The following FRMD3 variants were observed in gnomAD, a reference collection of about 807,000 sequenced individuals.
The protein encoded by FRMD3 is FERM domain containing 3, also known as FERM domain-containing protein 3.
A neutral mutation model predicts 70.2 loss-of-function variants in FRMD3; 33 were observed. That is an observed-to-expected ratio of 0.47 (90% CI 0.36 to 0.63). FRMD3 has a LOEUF of 0.63. FRMD3 is among the 20% of genes least tolerant of loss of function. The probability of loss-of-function intolerance (pLI) is 0.00; values close to 1 mark genes in which losing one functional copy is unlikely to be tolerated. For synonymous variants in FRMD3, 279 were observed against 255.9 expected (o/e 1.09, Z -0.86); for missense variants, 632 against 711.4 (o/e 0.89, Z 1.27).
chr9:83,345,272 A>G (rs1205533522), intron 4 of FRMD3, among the ~76,000 whole-genome samples: 1 of 139,808 alleles, frequency 7.2e-6, no homozygotes, highest in Non-Finnish European at 1.6e-5. Flanking sequence ...AGTCCCTAAT[A>G]AGTTTCTAAT....
At chr9:83,356,112 C>A (rs1166581779) in intron 3 of FRMD3, among the ~76,000 whole-genome samples, 1 of 152,092 alleles carries the variant, frequency 6.6e-6, no homozygotes, top group Non-Finnish European at 1.5e-5. Context: ...CCACATTGAG[C>A]CATTGCCCAG....
intron 13 of FRMD3, among the ~76,000 whole-genome samples, chr9:83,270,434 C>A (rs1419195207): frequency 6.6e-6 from 1 of 152,186 alleles, no homozygotes; most frequent in Non-Finnish European, 1.5e-5. Context: ...TTGTGAGTGG[C>A]TAGAAGTTAC....
At chr9:83,535,618 ATT>A (rs36112441) in intron 1 of FRMD3, among the ~76,000 whole-genome samples, 54 of 148,636 alleles carry the variant, frequency 3.6e-4, no homozygotes, top group East Asian at 1.2e-3. Flanking sequence ...ACTTTTTGTG[ATT>A]TTTTTTTTTT....
At chr9:83,339,153 C>G (rs753795730) in intron 5 of FRMD3, among the ~76,000 whole-genome samples, 1 of 152,186 alleles carries the variant, frequency 6.6e-6, no homozygotes, top group African/African-American at 2.4e-5. Context: ...ATGCTACACA[C>G]TGCAAATGTT....
At chr9:83,515,247 T>C (rs910602493) in intron 1 of FRMD3, among the ~76,000 whole-genome samples, 2 of 152,148 alleles carry the variant, frequency 1.3e-5, no homozygotes, top group African/African-American at 2.4e-5. Flanking sequence ...AATTGCTAAC[T>C]AGAATAACAA....
At chr9:83,471,578 C>T (rs1828270180) in intron 1 of FRMD3, among the ~76,000 whole-genome samples, 1 of 152,144 alleles carries the variant, frequency 6.6e-6, no homozygotes, top group Non-Finnish European at 1.5e-5. Context: ...TACTGCTCCA[C>T]ACAAAGGAAG....
At chr9:83,515,310 G>C (rs546744738) in intron 1 of FRMD3, among the ~76,000 whole-genome samples, 19 of 152,186 alleles carry the variant, frequency 1.2e-4, no homozygotes, top group African/African-American at 2.9e-4. Flanking sequence ...CAGCACGAAA[G>C]CTTCGTGAAG....
intron 13 of FRMD3, among the ~76,000 whole-genome samples, chr9:83,264,767 T>C (rs1833154847): frequency 6.6e-6 from 1 of 151,198 alleles, no homozygotes; most frequent in Non-Finnish European, 1.5e-5. Flanking sequence ...ATGGAAAATT[T>C]GTTTATGAAA....
At chr9:83,351,032 T>C in intron 3 of FRMD3, 1 of 954,862 alleles carries the variant, frequency 1.0e-6, no homozygotes, top group Non-Finnish European at 1.2e-6. Flanking sequence ...CTACTTGGGA[T>C]CAGTTCTCAG....
the FRMD3 span, among the ~76,000 whole-genome samples, chr9:83,554,146 G>A: frequency 6.6e-6 from 1 of 152,142 alleles, no homozygotes; most frequent in Non-Finnish European, 1.5e-5. Flanking sequence ...TGGTTTTGAA[G>A]CTTTGGGGTG....
intron 1 of FRMD3, among the ~76,000 whole-genome samples, chr9:83,505,519 A>G (rs185631159): frequency 6.6e-6 from 1 of 152,226 alleles, no homozygotes; most frequent in East Asian, 1.9e-4. Flanking sequence ...GAGAGCTGGG[A>G]GGAAGGGGAG....
intron 1 of FRMD3, among the ~76,000 whole-genome samples, chr9:83,514,508 C>G (rs966743290): frequency 2.0e-5 from 3 of 152,136 alleles, no homozygotes; most frequent in Admixed American, 1.3e-4. Context: ...GACAGAGCAC[C>G]CTGGGGAAGG....
chr9:83,244,662 T>C lies in FRMD3; in HGVS notation c.*3256A>G, dbSNP rs1832003214. 1 of 985,024 alleles carries C rather than the reference T, an allele frequency of 1.0e-6. No individual in the cohort carries two copies. Among genetic ancestry groups the C allele is most frequent in the Admixed American group, 6.1e-5 (1 of 16,268 alleles). 61.0% of individuals were successfully genotyped at this position (985,024 alleles called of 1,614,324 possible). The stretch of plus-strand genomic sequence containing the variant: ...TTTTTATTAGGGATTCCTGCCACCA[T>C]ATTAACATATAAAACAATCTGGATG... On this transcript the variant is annotated 3_prime_UTR_variant, in exon 14 of 14. Coordinates refer to ENST00000304195, the MANE Select transcript of FRMD3 (RefSeq NM_174938.6).
chr9:83,382,601 A>C (rs1287181802), intron 2 of FRMD3, among the ~76,000 whole-genome samples: 2 of 152,266 alleles, frequency 1.3e-5, no homozygotes, highest in East Asian at 3.9e-4. Flanking sequence ...AATTTCCTAA[A>C]ATAGCAAAAG....
intron 1 of FRMD3, among the ~76,000 whole-genome samples, chr9:83,424,015 T>A (rs1038922642): frequency 1.1e-4 from 17 of 152,126 alleles, no homozygotes; most frequent in African/African-American, 4.1e-4. Context: ...CAGTCAAGAG[T>A]AAATCTTCTT....
intron 10 of FRMD3, among the ~76,000 whole-genome samples, chr9:83,306,454 C>T (rs1181224843): frequency 2.0e-5 from 3 of 152,168 alleles, no homozygotes; most frequent in Non-Finnish European, 4.4e-5. Context: ...CCACTCATGT[C>T]CCACAAAATG....
In FRMD3 at chr9:83,421,962, C is replaced by T. The variant is rs1224409877; in HGVS notation, c.148-32254G>A. On this transcript the variant is annotated intron_variant, in intron 1 of 13. Coordinates refer to ENST00000304195, the MANE Select transcript of FRMD3 (RefSeq NM_174938.6). Reference sequence around the variant, plus strand: ...GGGGCCAGCCAGGTGCAGTGGCTCACGCCTGTAATCCCAGCACTTTGGGAG... The same window carrying T: ...GGGGCCAGCCAGGTGCAGTGGCTCATGCCTGTAATCCCAGCACTTTGGGAG... 2.6e-5 allele frequency among the ~76,000 whole-genome samples: 4 copies of T among 152,162 alleles called. No homozygotes were observed. In the East Asian group the frequency reaches 7.7e-4, roughly 29 times the overall value.
chr9:83,508,141 G>A (rs181862084), intron 1 of FRMD3, among the ~76,000 whole-genome samples: 1 of 152,270 alleles, frequency 6.6e-6, no homozygotes, highest in Admixed American at 6.5e-5. Context: ...AGCGCAAGAA[G>A]CCAAATGTGA....
At chr9:83,583,603 T>C in the FRMD3 span, among the ~76,000 whole-genome samples, 1 of 152,060 alleles carries the variant, frequency 6.6e-6, no homozygotes, top group Non-Finnish European at 1.5e-5. Flanking sequence ...TTAGATACAA[T>C]CCCTTGTTGA....
Sources: gnomAD v4.1 joint callset for allele counts (sites outside exome capture counted in the v4.1 genomes callset) on GRCh38, gnomAD v4.1.1 for gene constraint, MANE v1.5 for transcripts, NCBI Gene and HGNC (gene_info 2026-07-23, HGNC 2026-07-21) for gene names.